The following HDGFL3 variants were observed in gnomAD, a reference collection of about 807,000 sequenced individuals.
HDGFL3 encodes the protein HDGF like 3.
In HDGFL3, 6 loss-of-function variants were observed where a neutral mutation model predicts 27.6. The ratio of observed to expected loss-of-function variants is 0.22; its 90% CI spans 0.12 to 0.43. The LOEUF (loss-of-function observed/expected upper bound fraction) is 0.43, where lower values mean the gene tolerates loss of function less well. Ranked by LOEUF, HDGFL3 falls within the 20% of genes least tolerant of loss-of-function variation. The probability of loss-of-function intolerance (pLI) is 1.00; values close to 1 mark genes in which losing one functional copy is unlikely to be tolerated. For missense variants in HDGFL3, 207 were observed against 250.1 expected (o/e 0.83, Z 1.16); for synonymous variants, 88 against 88.9 (o/e 0.99, Z 0.05).
chr15:83,158,492 CTG>C (rs1187026419), intron 2 of HDGFL3, among the ~76,000 whole-genome samples: 1 of 152,212 alleles, frequency 6.6e-6, no homozygotes, highest in Non-Finnish European at 1.5e-5. Context: ...CCCCACTTAA[CTG>C]TGGTTTTGCC....
rs2037054889 is a variant in HDGFL3 at position 83,158,027 on chromosome 15, G to A, written c.176C>T (p.Pro59Leu). The part of the protein sequence containing the change: ...FGTHETAFLG[P>L]KDLFPYKEYK... The stretch of plus-strand genomic sequence containing the variant: ...CTCCTTATATGGAAAAAGGTCTTTG[G>A]GACCTAGAAATGCACTGCAGAGACA... The change falls in exon 3 of 6, where the codon CCC (proline) becomes CTC (leucine). Residue 59 changes from proline to leucine, a missense_variant. Coordinates refer to ENST00000299633, the MANE Select transcript of HDGFL3 (RefSeq NM_016073.4). 6.2e-7 allele frequency: 1 copy of A among 1,609,350 alleles called. No homozygotes were observed. Among genetic ancestry groups the A allele is most frequent in the South Asian group, 1.1e-5 (1 of 90,640 alleles).
chr15:83,112,894 T>G lies in HDGFL3; in HGVS notation c.*2815A>C. The G allele has an allele frequency of 3.7e-6, 6 of 1,612,518 alleles. No homozygotes were observed. Among genetic ancestry groups the G allele is most frequent in the Non-Finnish European group, 5.1e-6 (6 of 1,178,456 alleles). ...AAGAAAACCACCCCGGGACCCACTG[T>G]TCTATGGTACGTCTCCACAAAGGGA... On this transcript the variant is annotated 3_prime_UTR_variant, in exon 4 of 4. Transcript: ENST00000568294.
At chr15:83,140,481 G>T (rs59896565) in intron 5 of HDGFL3, among the ~76,000 whole-genome samples, 35,038 of 135,720 alleles carry the variant, frequency 0.26, 4,846 homozygotes, top group African/African-American at 0.35. Flanking sequence ...ACCAAAGAAA[G>T]TTTTTTTTTT....
At chr15:83,179,758 T>C (rs1009666907) in intron 1 of HDGFL3, 2 of 152,222 alleles carry the variant, frequency 1.3e-5, no homozygotes, top group Non-Finnish European at 2.9e-5. Flanking sequence ...ATTCAGTATA[T>C]GTTTGTCTCT....
Position 83,136,740 on chromosome 15 carries a change from C to A in HDGFL3, c.*2530G>T. ...GTTATACTGGTACTGATATTTTGTC[C>A]CATTTCACTCTCTTCTCATACGTGA... On this transcript the variant is annotated 3_prime_UTR_variant, in exon 6 of 6. Transcript: ENST00000299633. The A allele has an allele frequency of 7.5e-7, 1 of 1,328,200 alleles. No individual in the cohort carries two copies. Among genetic ancestry groups the A allele is most frequent in the Non-Finnish European group, 1.0e-6 (1 of 959,824 alleles). 82.3% of individuals were successfully genotyped at this position (1,328,200 alleles called of 1,614,324 possible). A position where few individuals can be genotyped will look rare whatever the true frequency, so the allele number is the denominator to read the frequency against.
At chr15:83,169,414 C>CAAAAAAAAAAAAAAAAAAAAAAAAAAAAA (rs58159581) in intron 1 of HDGFL3, among the ~76,000 whole-genome samples, 1 of 35,570 alleles carries the variant, frequency 2.8e-5, no homozygotes, top group Admixed American at 4.9e-4. Flanking sequence ...GACTCCGTCT[C>CAAAAAAAAAAAAAAAAAAAAAAAAAAAAA]AAAAAAAAAA....
chr15:83,158,448 TA>T (rs2037059516), intron 2 of HDGFL3, among the ~76,000 whole-genome samples: 6 of 152,010 alleles, frequency 3.9e-5, no homozygotes, highest in Non-Finnish European at 2.9e-5. Context: ...AATGCTAGAA[TA>T]AAAAAAAGAT....
chr15:83,159,335 T>C (rs73455451), intron 2 of HDGFL3, among the ~76,000 whole-genome samples: 6,972 of 152,258 alleles, frequency 0.046, 439 homozygotes, highest in African/African-American at 0.14. Flanking sequence ...TAGGCCACAG[T>C]TCTGGCTGAC....
chr15:83,163,968 A>C, intron 2 of HDGFL3, 31 bp downstream of exon 2: 211 of 1,391,572 alleles, frequency 1.5e-4, no homozygotes, highest in Non-Finnish European at 2.0e-4. Context: ...GAGTCAAGCT[A>C]GAGCTGTTGA....
chr15:83,127,615 A>T, downstream of HDGFL3: 1 of 900,878 alleles, frequency 1.1e-6, no homozygotes, highest in Non-Finnish European at 1.7e-6. Context: ...GCAGTTCTTC[A>T]GAAGACATTT....
chr15:83,182,381 T>C (rs1193679100), intron 1 of HDGFL3, among the ~76,000 whole-genome samples: 2 of 152,246 alleles, frequency 1.3e-5, no homozygotes, highest in Non-Finnish European at 2.9e-5. Context: ...TACAAGGTTG[T>C]TCATAGCAAC....
chr15:83,153,509 T>C (rs60959573), intron 4 of HDGFL3, among the ~76,000 whole-genome samples: 7,525 of 152,310 alleles, frequency 0.049, 382 homozygotes, highest in Admixed American at 0.16. Context: ...TGAAGAAATC[T>C]GGTTGCCAAG....
intron 1 of HDGFL3, among the ~76,000 whole-genome samples, chr15:83,196,128 G>C (rs1596568471): frequency 6.6e-6 from 1 of 151,878 alleles, no homozygotes; most frequent in African/African-American, 2.4e-5. Flanking sequence ...TCATTTTGGA[G>C]AGAGTAGTTG....
At chr15:83,189,753 C>G (rs1235479227) in intron 1 of HDGFL3, among the ~76,000 whole-genome samples, 1 of 152,122 alleles carries the variant, frequency 6.6e-6, no homozygotes, top group South Asian at 2.1e-4. Context: ...GGAATTCAAT[C>G]ATTTTTTTTA....
chr15:83,112,847 T>G (rs79470022), exon 4 of HDGFL3: 94,878 of 1,613,748 alleles, frequency 0.059, 3,215 homozygotes, highest in Non-Finnish European at 0.068. Flanking sequence ...CTGGTAGCAC[T>G]GCTGGCTCGT....
chr15:83,184,292 GCTAT>G (rs2037414856), intron 1 of HDGFL3, among the ~76,000 whole-genome samples: 1 of 152,134 alleles, frequency 6.6e-6, no homozygotes, highest in African/African-American at 2.4e-5. Context: ...TTTGCCTTCT[GCTAT>G]CTGTGTTAAG....
chr15:83,169,118 C>A, intron 1 of HDGFL3: 2 of 309,662 alleles, frequency 6.5e-6, no homozygotes, highest in Non-Finnish European at 1.3e-5. Flanking sequence ...GAACATATCT[C>A]AAAATAAGAG....
chr15:83,170,853 A>C (rs1406642018), intron 1 of HDGFL3, among the ~76,000 whole-genome samples: 3 of 149,828 alleles, frequency 2.0e-5, no homozygotes, highest in Non-Finnish European at 4.4e-5. Context: ...AGAATCTATA[A>C]GGAATTTAAA....
intron 3 of HDGFL3, among the ~76,000 whole-genome samples, chr15:83,118,138 G>T (rs1414727021): frequency 6.6e-6 from 1 of 152,084 alleles, no homozygotes; most frequent in Non-Finnish European, 1.5e-5. Flanking sequence ...AAGGCGGGAG[G>T]ATCGCTTGAC....
Sources: allele counts gnomAD v4.1 joint callset (sites outside exome capture counted in the v4.1 genomes callset), GRCh38; gene constraint gnomAD v4.1.1; transcripts MANE v1.5; gene names NCBI Gene and HGNC (gene_info 2026-07-23, HGNC 2026-07-21).